Variants in PLN observed in about 807,000 individuals in gnomAD.
PLN encodes the protein cardiac phospholamban.
Under a neutral mutation model 3.9 loss-of-function variants are expected in PLN, and 1 was observed. The observed-to-expected ratio is 0.26, with a 90% confidence interval of 0.09 to 1.23. The LOEUF (loss-of-function observed/expected upper bound fraction) is 1.23. Among genes scored for constraint, PLN ranks in the 50% most tolerant of loss-of-function variants. The pLI, the probability that PLN is intolerant of heterozygous loss-of-function variation, is 0.48. For synonymous variants in PLN, 21 were observed against 20.5 expected (o/e 1.02, Z -0.07); for missense variants, 59 against 62.7 (o/e 0.94, Z 0.20).
At chr6:118,552,669 T>C (rs1414229120) in intron 1 of PLN, among the ~76,000 whole-genome samples, 6 of 152,080 alleles carry the variant, frequency 3.9e-5, no homozygotes, top group African/African-American at 4.8e-5. Flanking sequence ...GATTTTTTTT[T>C]TAATTTCCAG....
At chr6:118,557,738 A>C (rs777645851) in intron 1 of PLN, among the ~76,000 whole-genome samples, 1 of 152,200 alleles carries the variant, frequency 6.6e-6, no homozygotes, top group Non-Finnish European at 1.5e-5. Flanking sequence ...TTATTATCGA[A>C]TAAAAATTGG....
chr6:118,560,659 C>T lies in PLN; in HGVS notation c.*1579C>T, dbSNP rs1051429. On this transcript the variant is annotated 3_prime_UTR_variant, in exon 2 of 2. Coordinates refer to ENST00000357525, the MANE Select transcript of PLN (RefSeq NM_002667.5). ...AACCAAATGGTAAGCATCTATTTTGCAGTCCACTCTACTGAGCTAAATTAT... is the reference window on the plus strand; with the variant it reads ...AACCAAATGGTAAGCATCTATTTTGTAGTCCACTCTACTGAGCTAAATTAT... The T allele has an allele frequency of 0.68, 113,982 of 166,690 alleles. 39,687 individuals carry two copies. Among genetic ancestry groups the T allele is most frequent in the Middle Eastern group, 0.74 (219 of 296 alleles). The allele number at this position is 166,690 out of a possible 1,614,324, so 10.3% of individuals were successfully genotyped here.
At chr6:118,558,660 C>CACAG (rs1318088942) in intron 1 of PLN, among the ~76,000 whole-genome samples, 165 bp from the exon 2 acceptor site, 96 of 122,300 alleles carry the variant, frequency 7.8e-4, no homozygotes, top group African/African-American at 1.0e-3. Flanking sequence ...CACACACACA[C>CACAG]AGAGAGAGAG....
rs1779126482 is a variant in PLN, at chr6:118,559,947, ACTATAT to A, written c.*870_*875del. On this transcript the variant is annotated 3_prime_UTR_variant, in exon 2 of 2. Transcript: ENST00000357525. ...GAGCTAGAGTTACCTAGCTTACCAT[ACTATAT>A]CTTTGGAATCATGAAACCTTAAGAC... 6.0e-6 allele frequency: 1 copy of A among 167,020 alleles called. No homozygotes were observed. The highest frequency in any genetic ancestry group is 1.5e-5 in the Non-Finnish European group (1 of 68,094). 10.3% of individuals were successfully genotyped at this position (167,020 alleles called of 1,614,324 possible).
rs543664770 is a variant in PLN at position 118,550,120 on chromosome 6, G to A, written c.-98+1728G>A. Among the ~76,000 whole-genome samples, 18 of 151,944 alleles carry A rather than the reference G, an allele frequency of 1.2e-4. No individual in the cohort carries two copies. The South Asian group carries it at 1.2e-3, about 10-fold the overall frequency. On this transcript the variant is annotated intron_variant, in intron 1 of 1. Transcript: ENST00000357525. ...TTAAGAAGCATTAAGTTTTAAAAAC[G>A]CATGAAAGAGCCAGAGTACTTGCTT...
rs1779232573 is a variant in PLN at position 118,561,688 on chromosome 6, AT to A, written c.*2609del. On this transcript the variant is annotated 3_prime_UTR_variant, in exon 2 of 2. Coordinates refer to ENST00000357525, the MANE Select transcript of PLN (RefSeq NM_002667.5). ...TTGTTTAATGCAAATCAGAATCACTATATTAAAATGAATGTTCTTGAAAACT... is the reference window on the plus strand; with the variant it reads ...TTGTTTAATGCAAATCAGAATCACTAATTAAAATGAATGTTCTTGAAAACT... 6.6e-6 allele frequency among the ~76,000 whole-genome samples: 1 copy of A among 152,148 alleles called. No individual in the cohort carries two copies. The highest frequency in any genetic ancestry group is 1.5e-5 in the Non-Finnish European group (1 of 68,016).
In PLN at chr6:118,559,811, T is replaced by C. The variant is rs1779117661; in HGVS notation, c.*731T>C. The C allele has an allele frequency of 6.0e-6, 1 of 167,470 alleles. No homozygotes were observed. The highest frequency in any genetic ancestry group is 1.5e-5 in the Non-Finnish European group (1 of 68,422). 10.4% of individuals were successfully genotyped at this position (167,470 alleles called of 1,614,324 possible). A position where few individuals can be genotyped will look rare whatever the true frequency, so the allele number is the denominator to read the frequency against. Reference sequence around the variant, plus strand: ...AATCATAAATCTGTTCTAAGACATATGATCAACAGATGAGAACTGGTGGTT... The same window carrying C: ...AATCATAAATCTGTTCTAAGACATACGATCAACAGATGAGAACTGGTGGTT... On this transcript the variant is annotated 3_prime_UTR_variant, in exon 2 of 2. Transcript: ENST00000357525.
intron 1 of PLN, among the ~76,000 whole-genome samples, chr6:118,549,573 T>C (rs1299270085): frequency 6.6e-6 from 1 of 151,894 alleles, no homozygotes; most frequent in Non-Finnish European, 1.5e-5. Flanking sequence ...TGTAACTCTG[T>C]AAGCAGCTTT....
intron 1 of PLN, among the ~76,000 whole-genome samples, chr6:118,551,790 GC>G (rs1275310749): frequency 2.6e-5 from 4 of 151,970 alleles, no homozygotes; most frequent in African/African-American, 9.7e-5. Flanking sequence ...GACCAACAAA[GC>G]TCTGGAATGT....
chr6:118,555,198 G>A (rs925663844), intron 1 of PLN, among the ~76,000 whole-genome samples: 2 of 152,100 alleles, frequency 1.3e-5, no homozygotes, highest in African/African-American at 2.4e-5. Flanking sequence ...TTGGGAGGCC[G>A]AGGCGGGTGG....
intron 1 of PLN, among the ~76,000 whole-genome samples, chr6:118,554,837 A>G (rs1426093973): frequency 5.3e-5 from 8 of 152,176 alleles, no homozygotes; most frequent in Admixed American, 1.3e-4. Context: ...ATAGAACAAC[A>G]TGTGCAAAGA....
At chr6:118,557,396 T>C (rs1327073814) in intron 1 of PLN, among the ~76,000 whole-genome samples, 1 of 152,240 alleles carries the variant, frequency 6.6e-6, no homozygotes, top group African/African-American at 2.4e-5. Context: ...AAACAAGCTG[T>C]ACCTTAAACC....
At chr6:118,557,168 C>T (rs1023937831) in intron 1 of PLN, among the ~76,000 whole-genome samples, 2 of 152,122 alleles carry the variant, frequency 1.3e-5, no homozygotes, top group African/African-American at 2.4e-5. Flanking sequence ...AAAGGAATAA[C>T]AATTTGAATC....
At position 118,560,871 on chromosome 6, in the gene PLN, T is replaced by C. The variant is rs1036796873; in HGVS notation, c.*1791T>C. ...GTTTAAAATTAAGTCTAAAATAGTT[T>C]ACACCTATACTGCATAATCCAACAA... On this transcript the variant is annotated 3_prime_UTR_variant, in exon 2 of 2. Transcript: ENST00000357525. The C allele has an allele frequency of 2.6e-5, 4 of 152,356 alleles. No individual in the cohort carries two copies. Among genetic ancestry groups the C allele is most frequent in the African/African-American group, 9.6e-5 (4 of 41,472 alleles). The allele number at this position is 152,356 out of a possible 1,614,324, so 9.4% of individuals were successfully genotyped here. A position where few individuals can be genotyped will look rare whatever the true frequency, so the allele number is the denominator to read the frequency against.
At chr6:118,550,269 T>G (rs931964981) in intron 1 of PLN, among the ~76,000 whole-genome samples, 2 of 151,806 alleles carry the variant, frequency 1.3e-5, no homozygotes, top group African/African-American at 4.8e-5. Context: ...CTTTAATTAG[T>G]GAGATTAAGA....
chr6:118,548,611 A>G (rs1778348863), intron 1 of PLN, among the ~76,000 whole-genome samples: 1 of 152,076 alleles, frequency 6.6e-6, no homozygotes, highest in South Asian at 2.1e-4. Flanking sequence ...GGTCATATTC[A>G]TCTTTGATCC....
chr6:118,549,904 TAC>T (rs1396430980), intron 1 of PLN, among the ~76,000 whole-genome samples: 10 of 151,978 alleles, frequency 6.6e-5, no homozygotes, highest in African/African-American at 1.7e-4. Flanking sequence ...TAACAGAAAT[TAC>T]AGTTACAGAG....
rs1779163926 is a variant in PLN at position 118,560,532 on chromosome 6, G to A, written c.*1452G>A. 6.0e-6 allele frequency: 1 copy of A among 166,952 alleles called. No homozygotes were observed. Among genetic ancestry groups the A allele is most frequent in the Non-Finnish European group, 1.5e-5 (1 of 68,114 alleles). The allele number at this position is 166,952 out of a possible 1,614,324, so 10.3% of individuals were successfully genotyped here. ...CAGTCTTGTCTTAGGGGTGTGGGGA[G>A]TGGGGGAAAGAATATTCATGTATAA... On this transcript the variant is annotated 3_prime_UTR_variant, in exon 2 of 2. Transcript: ENST00000357525.
chr6:118,557,552 C>T (rs765991571), intron 1 of PLN, among the ~76,000 whole-genome samples: 3 of 152,140 alleles, frequency 2.0e-5, no homozygotes, highest in Non-Finnish European at 2.9e-5. Context: ...GGTTCACTGG[C>T]ATGTTTAAGT....
Sources: allele counts gnomAD v4.1 joint callset (sites outside exome capture counted in the v4.1 genomes callset), GRCh38; gene constraint gnomAD v4.1.1; transcripts MANE v1.5; gene names NCBI Gene and HGNC (gene_info 2026-07-23, HGNC 2026-07-21).